ATP2A2: variants seen among roughly 807,000 people sequenced by gnomAD.
ATP2A2 encodes the protein sarcoplasmic/endoplasmic reticulum calcium ATPase 2.
Under a neutral mutation model 109.3 loss-of-function variants are expected in ATP2A2, and 14 were observed. The ratio of observed to expected loss-of-function variants is 0.13; its 90% CI spans 0.08 to 0.20. The LOEUF is 0.20. Ranked by LOEUF, ATP2A2 falls within the 10% of genes least tolerant of loss-of-function variation. The pLI is 1.00. For missense variants in ATP2A2, 657 were observed against 1,321.6 expected (o/e 0.50, Z 7.80); for synonymous variants, 506 against 490.9 (o/e 1.03, Z -0.41).
chr12:110,330,111 G>GCTT (rs1472427208), intron 8 of ATP2A2: 3 of 152,148 alleles, frequency 2.0e-5, no homozygotes, highest in Non-Finnish European at 4.4e-5. Flanking sequence ...GTTAAATAAT[G>GCTT]CTTCTGTATG....
intron 7 of ATP2A2, 25 bp downstream of exon 7, chr12:110,326,500 TTATTTACAGACA>T: frequency 6.4e-7 from 1 of 1,572,186 alleles, no homozygotes; most frequent in Non-Finnish European, 8.7e-7. Context: ...AAATGTGTTT[TTATTTACAGACA>T]TTTCCAAAGC....
At chr12:110,310,875 T>C (rs892431134) in intron 5 of ATP2A2, among the ~76,000 whole-genome samples, 2 of 152,258 alleles carry the variant, frequency 1.3e-5, no homozygotes, top group Non-Finnish European at 2.9e-5. Flanking sequence ...TGAGATTTAG[T>C]AGCAGGTATA....
intron 6 of ATP2A2, among the ~76,000 whole-genome samples, chr12:110,323,580 C>T (rs866825659): frequency 3.3e-5 from 5 of 152,068 alleles, no homozygotes; most frequent in African/African-American, 4.8e-5. Context: ...GAGACTGAGG[C>T]GGGCAGATGG....
intron 1 of ATP2A2, among the ~76,000 whole-genome samples, chr12:110,282,181 G>A (rs1872182605): frequency 6.6e-6 from 1 of 152,242 alleles, no homozygotes. Flanking sequence ...TGGAGGGAGG[G>A]ACGTGGCTTC....
rs1879181217 is a variant in ATP2A2, at chr12:110,339,832, G to A, written c.1761+111G>A. On this transcript the variant is annotated intron_variant, in intron 13 of 19. Transcript: ENST00000539276. This position sits in a 1 kb window ranked among gnomAD's most constrained non-coding sequence, Gnocchi z 4.4. ...TTCTCACTTTTGCCAAGAAAGAGGTGTGGTTATTTGTTTTTCTGCCTGCCA... is the reference window on the plus strand; with the variant it reads ...TTCTCACTTTTGCCAAGAAAGAGGTATGGTTATTTGTTTTTCTGCCTGCCA... The A allele has an allele frequency of 8.3e-7, 1 of 1,209,404 alleles. No homozygotes were observed. Among genetic ancestry groups the A allele is most frequent in the African/African-American group, 1.5e-5 (1 of 66,180 alleles). The allele number at this position is 1,209,404 out of a possible 1,614,324, so 74.9% of individuals were successfully genotyped here.
intron 3 of ATP2A2, among the ~76,000 whole-genome samples, chr12:110,286,084 C>T (rs375213338): frequency 4.6e-5 from 7 of 152,084 alleles, no homozygotes; most frequent in African/African-American, 4.8e-5. Flanking sequence ...CCACCACGCC[C>T]GGCTAATTTT....
At chr12:110,334,550 T>A (rs1483899887) in intron 11 of ATP2A2, among the ~76,000 whole-genome samples, 1 of 151,830 alleles carries the variant, frequency 6.6e-6, no homozygotes, top group East Asian at 1.9e-4. Context: ...ATTTCCCCTG[T>A]CAGCTACCAC....
At chr12:110,285,101 T>C (rs1395498208) in intron 3 of ATP2A2, among the ~76,000 whole-genome samples, 2 of 152,154 alleles carry the variant, frequency 1.3e-5, no homozygotes, top group Non-Finnish European at 2.9e-5. Context: ...CAAGTCATGC[T>C]TAAATTAAAA....
chr12:110,287,567 GTCTTC>G (rs1872788560), intron 3 of ATP2A2, among the ~76,000 whole-genome samples: 1 of 152,116 alleles, frequency 6.6e-6, no homozygotes, highest in Admixed American at 6.6e-5. Flanking sequence ...TGGGGCAGTG[GTCTTC>G]TCTTTTACTT....
chr12:110,346,962 A>G lies in ATP2A2; in HGVS notation c.*492A>G, dbSNP rs2137877766. 8.2e-6 allele frequency: 9 copies of G among 1,097,488 alleles called. No individual in the cohort carries two copies. The highest frequency in any genetic ancestry group is 1.0e-5 in the Non-Finnish European group (9 of 898,304). 68.0% of individuals were successfully genotyped at this position (1,097,488 alleles called of 1,614,324 possible). A position where few individuals can be genotyped will look rare whatever the true frequency, so the allele number is the denominator to read the frequency against. On this transcript the variant is annotated 3_prime_UTR_variant, in exon 20 of 20. Coordinates refer to ENST00000539276, the MANE Select transcript of ATP2A2 (RefSeq NM_170665.4). Reference sequence around the variant, plus strand: ...TTTCTGCACTGAGCAGAGTCTTGCTACCTCAGTCAGTATTGTTTTGGTTTG... The same window carrying G: ...TTTCTGCACTGAGCAGAGTCTTGCTGCCTCAGTCAGTATTGTTTTGGTTTG...
rs778700414 is a variant in ATP2A2 at position 110,346,310 on chromosome 12, A to G, written c.2969A>G (p.Tyr990Cys). ...ACGCTCAAGTTTGTGGCCCGCAACT[A>G]CCTGGAACCTGGTAAAGAGTGTGTG... ...DETLKFVARN[Y>C]LEPGKECVQP... The change falls in exon 20 of 20, where the codon TAC (tyrosine) becomes TGC (cysteine). Residue 990 changes from tyrosine to cysteine, a missense_variant. By Grantham distance (194) the Tyr-to-Cys change is radical. Around this residue, in one of 9 missense-constraint regions of ATP2A2, gnomAD observed 125 missense variants for 243.5 expected, o/e 0.51. Transcript: ENST00000539276. The G allele has an allele frequency of 1.2e-6, 2 of 1,613,996 alleles. No individual in the cohort carries two copies. The highest frequency in any genetic ancestry group is 3.3e-5 in the Admixed American group (2 of 59,998).
chr12:110,293,854 G>GTGTGTGTGTGTA (rs1873638516), intron 4 of ATP2A2, among the ~76,000 whole-genome samples: 1 of 123,770 alleles, frequency 8.1e-6, no homozygotes, highest in Non-Finnish European at 1.7e-5. Context: ...GTGTGTGTGT[G>GTGTGTGTGTGTA]TGTGTGTGTG....
intron 3 of ATP2A2, among the ~76,000 whole-genome samples, chr12:110,289,303 G>C (rs909095580): frequency 6.6e-6 from 1 of 152,144 alleles, no homozygotes; most frequent in Non-Finnish European, 1.5e-5. Flanking sequence ...AAAGTTTCTT[G>C]TTTCTGATAT....
At chr12:110,343,581 A>G in intron 16 of ATP2A2, 147 bp downstream of exon 16, 1 of 934,092 alleles carries the variant, frequency 1.1e-6, no homozygotes, top group Non-Finnish European at 1.7e-6. Context: ...AGTTCGATGA[A>G]CTATACATCC....
chr12:110,287,951 A>G (rs577644278), intron 3 of ATP2A2, among the ~76,000 whole-genome samples: 15 of 149,006 alleles, frequency 1.0e-4, no homozygotes, highest in African/African-American at 2.5e-4. Context: ...AAAATTTTCA[A>G]TTTTCCTGGA....
At chr12:110,288,614 A>G (rs1872927405) in intron 3 of ATP2A2, among the ~76,000 whole-genome samples, 1 of 152,130 alleles carries the variant, frequency 6.6e-6, no homozygotes, top group Non-Finnish European at 1.5e-5. Flanking sequence ...CATGTTGGTC[A>G]GGCTGGTCTT....
chr12:110,285,248 AGT>A (rs1003589335), intron 3 of ATP2A2, among the ~76,000 whole-genome samples: 1 of 152,194 alleles, frequency 6.6e-6, no homozygotes, highest in Non-Finnish European at 1.5e-5. Flanking sequence ...TATTGGCCAA[AGT>A]GTTTTTTTGA....
rs1209053164 is a variant in ATP2A2, at chr12:110,344,799, C to T, written c.2522-87C>T. The T allele has an allele frequency of 3.2e-5, 42 of 1,301,674 alleles. No homozygotes were observed. The East Asian group carries it at 5.8e-4, about 18-fold the overall frequency. The allele number at this position is 1,301,674 out of a possible 1,614,324, so 80.6% of individuals were successfully genotyped here. A position where few individuals can be genotyped will look rare whatever the true frequency, so the allele number is the denominator to read the frequency against. ...ATCACTGTCCCATGTCTTTGATCTT[C>T]GTCCTTGTGGGGACTGGCCTGCATG... On this transcript the variant is annotated intron_variant, in intron 16 of 19. Coordinates refer to ENST00000539276, the MANE Select transcript of ATP2A2 (RefSeq NM_170665.4).
chr12:110,344,516 T>C (rs1879656481), intron 16 of ATP2A2, among the ~76,000 whole-genome samples: 1 of 152,162 alleles, frequency 6.6e-6, no homozygotes, highest in Non-Finnish European at 1.5e-5. Context: ...TGGTGTAATC[T>C]AGTCCCTCAA....
Sources: gnomAD v4.1 joint callset for allele counts (sites outside exome capture counted in the v4.1 genomes callset) on GRCh38, gnomAD v4.1.1 for gene constraint, gnomAD v4.1.1 regional missense constraint, Gnocchi (gnomAD v3.1) non-coding constraint, MANE v1.5 for transcripts, NCBI Gene and HGNC (gene_info 2026-07-23, HGNC 2026-07-21) for gene names.